The following CSMD1 variants were observed in gnomAD, a reference collection of about 807,000 sequenced individuals.
CSMD1 encodes CUB and sushi domain-containing protein 1.
In CSMD1, 213 loss-of-function variants were observed where a neutral mutation model predicts 417.5. That is an observed-to-expected ratio of 0.51 (90% CI 0.46 to 0.57). The LOEUF (loss-of-function observed/expected upper bound fraction) is 0.57, where lower values mean the gene tolerates loss of function less well. Ranked by LOEUF, CSMD1 falls within the 20% of genes least tolerant of loss-of-function variation. CSMD1 has a pLI of 0.00. For synonymous variants in CSMD1, 2,862 were observed against 1,736.8 expected (o/e 1.65, Z -16.11); for missense variants, 6,923 against 4,529.7 (o/e 1.53, Z -15.17).
intron 3 of CSMD1, among the ~76,000 whole-genome samples, chr8:4,355,956 T>C (rs1801406541): frequency 6.6e-6 from 1 of 152,216 alleles, no homozygotes; most frequent in South Asian, 2.1e-4. Context: ...ATTGCATTTT[T>C]TTATGGATGT....
intron 3 of CSMD1, among the ~76,000 whole-genome samples, chr8:4,391,710 G>C (rs556723272): frequency 2.0e-5 from 3 of 152,206 alleles, no homozygotes; most frequent in Non-Finnish European, 4.4e-5. Flanking sequence ...GCTTCCCCAT[G>C]TGAAAAACCT....
chr8:4,069,148 C>G (rs1053183787), intron 3 of CSMD1, among the ~76,000 whole-genome samples: 3 of 152,128 alleles, frequency 2.0e-5, no homozygotes, highest in African/African-American at 7.2e-5. Flanking sequence ...TCATAGGAGA[C>G]TGGTTGCAAA....
rs940642060 is a variant in CSMD1 at position 3,097,007 on chromosome 8, C to G, written c.6980G>C (p.Gly2327Ala). Residue 2327 changes from glycine to alanine, a missense_variant, in exon 47 of 70, where the codon GGA becomes GCA. Physicochemically the swap from Gly to Ala is moderately conservative, Grantham distance 60. Coordinates refer to ENST00000635120, the MANE Select transcript of CSMD1 (RefSeq NM_033225.6). The part of the protein sequence containing the change: ...AQCPANEVRT[G>A]SSGVILSPGY... ...TGGACTGAGAATGACTCCCGATGAT[C>G]CAGTCCGGACTTCATTTGCTGGGCA... The G allele has an allele frequency of 6.4e-7, 1 of 1,552,254 alleles. No individual in the cohort carries two copies. The highest frequency in any genetic ancestry group is 8.7e-7 in the Non-Finnish European group (1 of 1,147,696).
intron 53 of CSMD1, among the ~76,000 whole-genome samples, chr8:2,999,279 C>T (rs1296839061): frequency 6.6e-6 from 1 of 151,524 alleles, no homozygotes; most frequent in Non-Finnish European, 1.5e-5. Flanking sequence ...TTCAGCCCCT[C>T]CTAGTAGCTG....
chr8:3,711,774 C>T (rs2129041255), intron 6 of CSMD1, among the ~76,000 whole-genome samples: 1 of 152,272 alleles, frequency 6.6e-6, no homozygotes, highest in East Asian at 1.9e-4. Flanking sequence ...GCTGAAATAA[C>T]TTTATCTTGA....
intron 2 of CSMD1, among the ~76,000 whole-genome samples, chr8:4,530,120 A>G (rs1796724258): frequency 6.6e-6 from 1 of 151,406 alleles, no homozygotes; most frequent in Admixed American, 6.6e-5. Context: ...TCACCGTGTT[A>G]GCCAGGATGG....
At chr8:3,368,545 G>T (rs1585062759) in intron 19 of CSMD1, among the ~76,000 whole-genome samples, 1 of 152,088 alleles carries the variant, frequency 6.6e-6, no homozygotes. Flanking sequence ...CACCATATTG[G>T]CTAGTCTGGT....
At chr8:4,647,808 G>T (rs548006682) in intron 1 of CSMD1, among the ~76,000 whole-genome samples, 68 of 152,218 alleles carry the variant, frequency 4.5e-4, no homozygotes, top group Non-Finnish European at 8.5e-4. Context: ...CTTTTTTCCA[G>T]TCTATCACTG....
chr8:4,307,324 C>T (rs1397385818), intron 3 of CSMD1, among the ~76,000 whole-genome samples: 1 of 152,110 alleles, frequency 6.6e-6, no homozygotes, highest in Non-Finnish European at 1.5e-5. Flanking sequence ...CACACATGTC[C>T]ACATTGAGGC....
intron 1 of CSMD1, among the ~76,000 whole-genome samples, chr8:4,884,364 C>A (rs563046276): frequency 6.6e-6 from 1 of 151,942 alleles, no homozygotes; most frequent in Non-Finnish European, 1.5e-5. Context: ...TGAGGTACAA[C>A]GTTTAGAGTT....
chr8:4,035,233 G>A (rs184759888), intron 3 of CSMD1, among the ~76,000 whole-genome samples: 10 of 152,110 alleles, frequency 6.6e-5, no homozygotes, highest in African/African-American at 1.7e-4. Flanking sequence ...TGGTGACGCC[G>A]GTGTGAACAA....
At chr8:3,304,506 GGATTAAGTT>G (rs1563249611) in intron 25 of CSMD1, among the ~76,000 whole-genome samples, 1 of 151,958 alleles carries the variant, frequency 6.6e-6, no homozygotes, top group Non-Finnish European at 1.5e-5. Flanking sequence ...AAACATTTTG[GGATTAAGTT>G]GATTGTCAAT....
In CSMD1 at chr8:3,245,400, C is replaced by T. The variant is rs141546139; in HGVS notation, c.4154-15169G>A. Among the ~76,000 whole-genome samples the T allele has an allele frequency of 1.3e-3, 200 of 152,326 alleles. 4 individuals are homozygous for T. The East Asian group carries it at 0.037, about 28-fold the overall frequency. Reference sequence around the variant, plus strand: ...GCAGGAGATAAAGGACCAGACTTTTCCCCCTCTCTTTCTTAGAGCATTTTG... The same window carrying T: ...GCAGGAGATAAAGGACCAGACTTTTTCCCCTCTCTTTCTTAGAGCATTTTG... On this transcript the variant is annotated intron_variant, in intron 26 of 69. Coordinates refer to ENST00000635120, the MANE Select transcript of CSMD1 (RefSeq NM_033225.6).
At chr8:4,007,925 C>G (rs1478465142) in intron 4 of CSMD1, among the ~76,000 whole-genome samples, 4 of 152,256 alleles carry the variant, frequency 2.6e-5, no homozygotes, top group African/African-American at 9.6e-5. Context: ...TCTATAAAAA[C>G]TGCCTCAAGA....
At chr8:3,776,038 C>G (rs774213237) in intron 5 of CSMD1, among the ~76,000 whole-genome samples, 6 of 152,218 alleles carry the variant, frequency 3.9e-5, no homozygotes, top group South Asian at 2.1e-4. Context: ...ATTCCATGTG[C>G]TGGAGCCACC....
chr8:3,703,547 C>A (rs993436610), intron 7 of CSMD1, among the ~76,000 whole-genome samples: 1 of 151,942 alleles, frequency 6.6e-6, no homozygotes, highest in African/African-American at 2.4e-5. Context: ...GGTGTGTGAT[C>A]TGTGGGTCAT....
chr8:3,038,496 GA>G (rs201179395), intron 50 of CSMD1, among the ~76,000 whole-genome samples: 1,805 of 152,228 alleles, frequency 0.012, 19 homozygotes, highest in Non-Finnish European at 0.02. Flanking sequence ...TCTTTGAAAA[GA>G]TTGTTTCCTT....
At chr8:4,093,089 T>C (rs550618837) in intron 3 of CSMD1, among the ~76,000 whole-genome samples, 3 of 152,304 alleles carry the variant, frequency 2.0e-5, no homozygotes, top group Admixed American at 1.3e-4. Context: ...TTTAACCACA[T>C]AATTAACTCA....
intron 4 of CSMD1, among the ~76,000 whole-genome samples, chr8:4,028,297 CCA>C (rs1223622094): frequency 9.2e-5 from 14 of 152,124 alleles, no homozygotes; most frequent in Non-Finnish European, 2.9e-5. Flanking sequence ...TACCTGAAGT[CCA>C]GATTCCCCAC....
Sources: allele counts gnomAD v4.1 joint callset (sites outside exome capture counted in the v4.1 genomes callset), GRCh38; gene constraint gnomAD v4.1.1; transcripts MANE v1.5; gene names NCBI Gene and HGNC (gene_info 2026-07-23, HGNC 2026-07-21).